FAM227A: variants seen among roughly 807,000 people sequenced by gnomAD.
The protein encoded by FAM227A is family with sequence similarity 227 member A.
Under a neutral mutation model 74.7 loss-of-function variants are expected in FAM227A, and 80 were observed. The ratio of observed to expected loss-of-function variants is 1.07; its 90% confidence interval spans 0.89 to 1.29. The LOEUF (loss-of-function observed/expected upper bound fraction) is 1.29. FAM227A is among the 50% of genes most tolerant of loss of function. The probability of loss-of-function intolerance (pLI) is 0.00; values close to 1 mark genes in which losing one functional copy is unlikely to be tolerated. For synonymous variants in FAM227A, 237 were observed against 241.8 expected (o/e 0.98, Z 0.19); for missense variants, 654 against 683.4 (o/e 0.96, Z 0.48).
chr22:38,643,975 G>A (rs1603063431), intron 3 of FAM227A, among the ~76,000 whole-genome samples: 7 of 151,778 alleles, frequency 4.6e-5, no homozygotes, highest in East Asian at 1.9e-4. Flanking sequence ...GTGAAACCCC[G>A]TCTCTACTAA....
chr22:38,626,336 C>A, intron 8 of FAM227A, 33 bp from the exon 9 acceptor site: 1 of 1,539,802 alleles, frequency 6.5e-7, no homozygotes, highest in South Asian at 1.2e-5. Flanking sequence ...GCAACGTTCT[C>A]AACATTTCCA....
intron 8 of FAM227A, among the ~76,000 whole-genome samples, chr22:38,627,895 T>A (rs1016754813): frequency 2.0e-5 from 3 of 152,142 alleles, no homozygotes; most frequent in Non-Finnish European, 4.4e-5. Flanking sequence ...TGAGCCACCA[T>A]GCCCGGCTGG....
chr22:38,633,335 T>C (rs773252503), intron 6 of FAM227A, among the ~76,000 whole-genome samples: 4 of 152,140 alleles, frequency 2.6e-5, no homozygotes, highest in Admixed American at 2.0e-4. Context: ...ACGTTCCTCA[T>C]AGGACCTCAA....
At chr22:38,615,319 C>T (rs183944258) in intron 11 of FAM227A, among the ~76,000 whole-genome samples, 97 of 152,302 alleles carry the variant, frequency 6.4e-4, no homozygotes, top group African/African-American at 1.9e-3. Flanking sequence ...CCATCGCGCC[C>T]GGACAGAGTT....
At chr22:38,604,384 C>G (rs1252314338) in intron 13 of FAM227A, among the ~76,000 whole-genome samples, 1 of 152,190 alleles carries the variant, frequency 6.6e-6, no homozygotes, top group African/African-American at 2.4e-5. Context: ...GGCCCAAATT[C>G]TATGGCCGAC....
intron 15 of FAM227A, among the ~76,000 whole-genome samples, chr22:38,595,974 G>GCA (rs1569190577): frequency 6.6e-6 from 1 of 150,722 alleles, no homozygotes; most frequent in African/African-American, 2.4e-5. Context: ...CTAATAAGGG[G>GCA]GGGGGGGCAG....
At chr22:38,646,439 T>G (rs1281775702) in intron 2 of FAM227A, among the ~76,000 whole-genome samples, 1 of 150,268 alleles carries the variant, frequency 6.7e-6, no homozygotes, top group Non-Finnish European at 1.5e-5. Context: ...TTTTTTTGTA[T>G]TTTTAGTAGA....
At chr22:38,586,308 T>C (rs1602824354) in intron 16 of FAM227A, 109 bp from the exon 17 acceptor site, 6 of 1,253,434 alleles carry the variant, frequency 4.8e-6, no homozygotes, top group East Asian at 5.1e-5. Flanking sequence ...CTTGTGTGCA[T>C]GGAATATTGA....
rs993857554 is a variant in FAM227A, at chr22:38,639,699, T to G, written c.251A>C (p.Lys84Thr). The G allele has an allele frequency of 6.4e-7, 1 of 1,551,874 alleles. No homozygotes were observed. The highest frequency in any genetic ancestry group is 2.4e-5 in the East Asian group (1 of 40,920). The change falls in exon 4 of 17, where the codon AAG (lysine) becomes ACG (threonine). Residue 84 changes from lysine to threonine, a missense_variant. Transcript: ENST00000535113. ...GCGAGTTTTCTCTCTTAAAGCCTTC[T>G]TCTCCAACTCAAATCTCTCAATTGC... is the stretch of plus-strand genomic sequence containing the variant. ...SLAIERFELE[K>T]KALREKTRSS...
Position 38,586,181 on chromosome 22 carries a change from C to T in FAM227A, c.1657G>A (p.Gly553Arg), listed in dbSNP as rs761584517. 15 of 1,551,590 alleles carry T rather than the reference C, an allele frequency of 9.7e-6. No homozygotes were observed. The Admixed American group carries it at 2.7e-4, about 28-fold the overall frequency. ...KKTKEGKGGE[G>R]KRRETEVEHF... ...TCAACTTCTGTTTCTCTTCTCTTTC[C>T]CTCTCCTCCTTTCCCCTCCTGTGGG... Residue 553 changes from glycine (G) to arginine (R), a missense_variant, in exon 17 of 17, where the codon GGA becomes AGA. Gly to Arg is a moderately radical substitution (Grantham distance 125). Transcript: ENST00000535113.
At chr22:38,645,457 T>A in intron 3 of FAM227A, 106 bp downstream of exon 3, 1 of 684,950 alleles carries the variant, frequency 1.5e-6, no homozygotes, top group East Asian at 2.9e-5. Flanking sequence ...TGTGTAAACA[T>A]GTTTTCAAAT....
At chr22:38,618,984 A>G (rs1400404333) in intron 11 of FAM227A, among the ~76,000 whole-genome samples, 1 of 152,074 alleles carries the variant, frequency 6.6e-6, no homozygotes, top group Non-Finnish European at 1.5e-5. Flanking sequence ...AAAAAAAAAA[A>G]AAAGCCTTTA....
intron 15 of FAM227A, among the ~76,000 whole-genome samples, chr22:38,596,132 G>C (rs1219336045): frequency 6.6e-6 from 1 of 152,020 alleles, no homozygotes; most frequent in Non-Finnish European, 1.5e-5. Flanking sequence ...GACCAACCAG[G>C]CAACATGGTG....
At chr22:38,630,866 A>G (rs535278010) in intron 6 of FAM227A, among the ~76,000 whole-genome samples, 1 of 152,326 alleles carries the variant, frequency 6.6e-6, no homozygotes, top group Non-Finnish European at 1.5e-5. Flanking sequence ...GGACAGTGTT[A>G]CGAGTAAAAA....
chr22:38,609,458 C>T (rs910135869), intron 11 of FAM227A, among the ~76,000 whole-genome samples: 3 of 152,176 alleles, frequency 2.0e-5, no homozygotes, highest in Non-Finnish European at 2.9e-5. Context: ...ACGCTGGATT[C>T]GTCTGGGCGA....
At chr22:38,636,704 A>C (rs1344001741) in intron 5 of FAM227A, 107 bp from the exon 6 acceptor site, 2 of 1,032,380 alleles carry the variant, frequency 1.9e-6, no homozygotes, top group Admixed American at 3.0e-5. Flanking sequence ...AACCTTATAG[A>C]ATGTTGAGAA....
chr22:38,625,199 C>CTT (rs2091771073), intron 9 of FAM227A, among the ~76,000 whole-genome samples: 2 of 151,822 alleles, frequency 1.3e-5, no homozygotes, highest in African/African-American at 4.8e-5. Context: ...ACCATCCTGG[C>CTT]TAACACAGTG....
intron 15 of FAM227A, among the ~76,000 whole-genome samples, chr22:38,592,110 A>G (rs3946137): frequency 0.39 from 58,848 of 151,638 alleles, 11,759 homozygotes; most frequent in East Asian, 0.48. Flanking sequence ...CACCATGCCT[A>G]GCTAATTTTT....
chr22:38,620,394 C>G (rs2091662266), intron 10 of FAM227A, 103 bp from the exon 11 acceptor site: 1 of 871,234 alleles, frequency 1.1e-6, no homozygotes, highest in African/African-American at 1.7e-5. Context: ...CAGTGACACC[C>G]ACCAGATCTA....
Sources: allele counts gnomAD v4.1 joint callset (sites outside exome capture counted in the v4.1 genomes callset), GRCh38; gene constraint gnomAD v4.1.1; transcripts MANE v1.5; gene names NCBI Gene and HGNC (gene_info 2026-07-23, HGNC 2026-07-21).